The following CSMD1 variants were observed in gnomAD, a reference collection of about 807,000 sequenced individuals.
CSMD1 encodes CUB and sushi domain-containing protein 1.
A neutral mutation model predicts 417.5 loss-of-function variants in CSMD1; 213 were observed. The ratio of observed to expected loss-of-function variants is 0.51; its 90% confidence interval spans 0.46 to 0.57. The LOEUF (loss-of-function observed/expected upper bound fraction) is 0.57. Among genes scored for constraint, CSMD1 ranks in the 20% least tolerant of loss-of-function variants. The probability of loss-of-function intolerance (pLI) is 0.00; values close to 1 mark genes in which losing one functional copy is unlikely to be tolerated. For synonymous variants in CSMD1, 2,862 were observed against 1,736.8 expected (o/e 1.65, Z -16.11); for missense variants, 6,923 against 4,529.7 (o/e 1.53, Z -15.17).
At chr8:4,454,706 G>T (rs1799364836) in intron 2 of CSMD1, among the ~76,000 whole-genome samples, 1 of 152,152 alleles carries the variant, frequency 6.6e-6, no homozygotes, top group Non-Finnish European at 1.5e-5. Flanking sequence ...TAATCAACCT[G>T]AAACTTTCGG....
chr8:3,740,015 T>C (rs111243887), intron 6 of CSMD1, among the ~76,000 whole-genome samples: 1,644 of 152,326 alleles, frequency 0.011, 35 homozygotes, highest in African/African-American at 0.037. Context: ...CTGGGAGTCA[T>C]TGAAATACCA....
chr8:4,668,157 C>T (rs942913346), intron 1 of CSMD1, among the ~76,000 whole-genome samples: 4 of 152,096 alleles, frequency 2.6e-5, no homozygotes, highest in Non-Finnish European at 5.9e-5. Context: ...GAAGTTTAAT[C>T]AACTGCACTG....
intron 2 of CSMD1, among the ~76,000 whole-genome samples, chr8:4,508,792 C>G (rs1282298345): frequency 6.6e-6 from 1 of 152,094 alleles, no homozygotes; most frequent in African/African-American, 2.4e-5. Flanking sequence ...TCAAAACAGC[C>G]AGTCATAATA....
intron 3 of CSMD1, among the ~76,000 whole-genome samples, chr8:4,289,381 G>C (rs1332148090): frequency 3.6e-5 from 5 of 140,708 alleles, no homozygotes; most frequent in South Asian, 5.0e-4. Context: ...GATTAACATC[G>C]ATCAATTAGT....
At chr8:3,739,724 C>G (rs778952890) in intron 6 of CSMD1, among the ~76,000 whole-genome samples, 51 of 152,264 alleles carry the variant, frequency 3.3e-4, no homozygotes, top group African/African-American at 9.9e-4. Context: ...AAGTTTTAAA[C>G]TATTGATCCA....
intron 1 of CSMD1, among the ~76,000 whole-genome samples, chr8:4,673,794 G>C (rs1480692547): frequency 6.6e-6 from 1 of 152,184 alleles, no homozygotes; most frequent in African/African-American, 2.4e-5. Context: ...TTTGTATGAA[G>C]TGTTCAGAAT....
chr8:3,078,909 T>C (rs1482441333), intron 49 of CSMD1, among the ~76,000 whole-genome samples: 1 of 152,206 alleles, frequency 6.6e-6, no homozygotes, highest in African/African-American at 2.4e-5. Context: ...TGGGCTCCTG[T>C]TCTTAGCTGG....
At chr8:4,337,279 T>C (rs187139400) in intron 3 of CSMD1, among the ~76,000 whole-genome samples, 111 of 152,232 alleles carry the variant, frequency 7.3e-4, no homozygotes, top group African/African-American at 2.6e-3. Flanking sequence ...AAATGCTTAA[T>C]TTCTGCTTGA....
chr8:4,581,084 T>A (rs1799394899), intron 2 of CSMD1, among the ~76,000 whole-genome samples: 1 of 152,172 alleles, frequency 6.6e-6, no homozygotes, highest in Non-Finnish European at 1.5e-5. Flanking sequence ...GACTACATTT[T>A]AAGGTAAACA....
intron 2 of CSMD1, among the ~76,000 whole-genome samples, chr8:4,598,979 G>C (rs1800429020): frequency 6.6e-6 from 1 of 152,118 alleles, no homozygotes; most frequent in African/African-American, 2.4e-5. Context: ...AGTCTTCCAA[G>C]AAAGTTACGT....
At chr8:3,652,402 A>G (rs1797902276) in intron 7 of CSMD1, among the ~76,000 whole-genome samples, 1 of 152,182 alleles carries the variant, frequency 6.6e-6, no homozygotes, top group African/African-American at 2.4e-5. Flanking sequence ...AAATACGTTG[A>G]CTTGTTTGTT....
intron 50 of CSMD1, among the ~76,000 whole-genome samples, chr8:3,043,078 T>C (rs1196774649): frequency 2.0e-5 from 3 of 151,178 alleles, no homozygotes; most frequent in African/African-American, 4.9e-5. Context: ...ATAATGCATA[T>C]AGTACATGTA....
chr8:4,374,618 G>C (rs564951980), intron 3 of CSMD1, among the ~76,000 whole-genome samples: 2 of 152,126 alleles, frequency 1.3e-5, no homozygotes, highest in Non-Finnish European at 2.9e-5. Flanking sequence ...GGTCCTGAAA[G>C]CCAGGAGCAT....
chr8:3,230,910 G>A (rs1280264611), intron 26 of CSMD1, among the ~76,000 whole-genome samples: 1 of 152,160 alleles, frequency 6.6e-6, no homozygotes, highest in Non-Finnish European at 1.5e-5. Flanking sequence ...CTGAGTAGAG[G>A]CCAGACTCTG....
At chr8:4,288,219 C>T (rs774377743) in intron 3 of CSMD1, among the ~76,000 whole-genome samples, 2 of 152,106 alleles carry the variant, frequency 1.3e-5, no homozygotes, top group Non-Finnish European at 2.9e-5. Flanking sequence ...TTCGTCCACT[C>T]AGGGCCTGGC....
At chr8:4,047,929 T>C (rs572898565) in intron 3 of CSMD1, among the ~76,000 whole-genome samples, 1 of 152,304 alleles carries the variant, frequency 6.6e-6, no homozygotes, top group Non-Finnish European at 1.5e-5. Flanking sequence ...AAATTAGGAT[T>C]GTTTTCCCAA....
intron 10 of CSMD1, among the ~76,000 whole-genome samples, chr8:3,496,984 C>G (rs1796392107): frequency 6.6e-6 from 1 of 152,066 alleles, no homozygotes; most frequent in Non-Finnish European, 1.5e-5. Context: ...CTAATTTTAT[C>G]TGTTACAGTC....
intron 10 of CSMD1, among the ~76,000 whole-genome samples, chr8:3,503,860 T>A (rs1180548654): frequency 8.3e-6 from 1 of 119,768 alleles, no homozygotes; most frequent in African/African-American, 3.1e-5. Context: ...ACACTCTTCC[T>A]AGCCCCTGGT....
At chr8:3,796,356 T>C (rs1381595028) in intron 5 of CSMD1, among the ~76,000 whole-genome samples, 3 of 109,334 alleles carry the variant, frequency 2.7e-5, no homozygotes, top group Non-Finnish European at 3.8e-5. Flanking sequence ...CTATCATGTA[T>C]AGATATAGAT....
Sources: gnomAD v4.1 joint callset for allele counts (sites outside exome capture counted in the v4.1 genomes callset) on GRCh38, gnomAD v4.1.1 for gene constraint, MANE v1.5 for transcripts, NCBI Gene and HGNC (gene_info 2026-07-23, HGNC 2026-07-21) for gene names.